CUL4A: variants seen among roughly 807,000 people sequenced by gnomAD.
CUL4A encodes the protein cullin-4A.
CUL4A carries 16 observed loss-of-function variants against 95.5 expected under a neutral mutation model. The observed-to-expected ratio is 0.17, with a 90% confidence interval of 0.11 to 0.25. CUL4A has a LOEUF of 0.25. Among genes scored for constraint, CUL4A ranks in the 10% least tolerant of loss-of-function variants. CUL4A has a pLI of 1.00. For synonymous variants in CUL4A, 380 were observed against 353.1 expected (o/e 1.08, Z -0.85); for missense variants, 610 against 937.0 (o/e 0.65, Z 4.56).
At chr13:113,251,913 G>A (rs896429277) in intron 15 of CUL4A, among the ~76,000 whole-genome samples, 2 of 152,220 alleles carry the variant, frequency 1.3e-5, no homozygotes, top group African/African-American at 4.8e-5. Flanking sequence ...GTGGACGAGA[G>A]CAGGGGGAGG....
Position 113,265,121 on chromosome 13 carries a change from C to T in CUL4A, c.*1539C>T, listed in dbSNP as rs570989051. 3 of 152,222 alleles carry T rather than the reference C, an allele frequency of 2.0e-5. No individual in the cohort carries two copies. The highest frequency in any genetic ancestry group is 4.4e-5 in the Non-Finnish European group (3 of 68,048). The allele number at this position is 152,222 out of a possible 1,614,324, so 9.4% of individuals were successfully genotyped here. A position where few individuals can be genotyped will look rare whatever the true frequency, so the allele number is the denominator to read the frequency against. Reference sequence around the variant, plus strand: ...TTTAGCAGCTTTGACTACTAGTGCACTAGACAGAAGTCAGAGCAGGGAGCA... The same window carrying T: ...TTTAGCAGCTTTGACTACTAGTGCATTAGACAGAAGTCAGAGCAGGGAGCA... On this transcript the variant is annotated 3_prime_UTR_variant, in exon 20 of 20. Transcript: ENST00000375440.
chr13:113,253,583 AAAC>A (rs900058571), intron 16 of CUL4A, among the ~76,000 whole-genome samples: 1 of 152,252 alleles, frequency 6.6e-6, no homozygotes, highest in African/African-American at 2.4e-5. Context: ...AAATTAAAAA[AAAC>A]AGACTCTTGC....
chr13:113,221,427 G>C (rs2040893521), intron 3 of CUL4A, among the ~76,000 whole-genome samples: 1 of 152,226 alleles, frequency 6.6e-6, no homozygotes, highest in South Asian at 2.1e-4. Flanking sequence ...CATGTGCTAG[G>C]TATGATGCCA....
chr13:113,236,564 A>G (rs1371634621), intron 8 of CUL4A, among the ~76,000 whole-genome samples: 1 of 152,200 alleles, frequency 6.6e-6, no homozygotes. Flanking sequence ...CCTTGGAATA[A>G]CGCAGAAGCA....
chr13:113,229,515 A>G lies in CUL4A; in HGVS notation c.508A>G (p.Ile170Val), dbSNP rs771862541. The part of the protein sequence containing the change: ...YVLQNSTLPS[I>V]WDMGLELFRT... The stretch of plus-strand genomic sequence containing the variant: ...GCTGCAGAACTCCACGCTGCCCTCC[A>G]TCTGGTGAGTGTCCTCACAGCGCAG... The change falls in exon 5 of 20, where the codon ATC becomes GTC. Residue 170 changes from isoleucine (I) to valine (V), a missense_variant. Physicochemically the swap from Ile to Val is conservative, Grantham distance 29. Transcript: ENST00000375440. 2 of 1,613,026 alleles carry G rather than the reference A, an allele frequency of 1.2e-6. No individual in the cohort carries two copies. The highest frequency in any genetic ancestry group is 1.7e-5 in the Admixed American group (1 of 60,006).
chr13:113,239,609 C>A (rs901741105), intron 10 of CUL4A, 58 bp downstream of exon 10: 2 of 1,308,222 alleles, frequency 1.5e-6, no homozygotes, highest in African/African-American at 1.5e-5. Flanking sequence ...AGCAGAGCCC[C>A]TCCTGAGAAC....
At chr13:113,257,177 G>A (rs1312678028) in intron 18 of CUL4A, among the ~76,000 whole-genome samples, 3 of 151,966 alleles carry the variant, frequency 2.0e-5, no homozygotes, top group Non-Finnish European at 2.9e-5. Flanking sequence ...CACCCATCTC[G>A]GCCTCCCAAA....
intron 16 of CUL4A, among the ~76,000 whole-genome samples, 174 bp from the exon 17 acceptor site, chr13:113,254,519 C>T (rs1163826768): frequency 1.3e-5 from 2 of 151,880 alleles, no homozygotes; most frequent in Admixed American, 6.6e-5. Flanking sequence ...GGCATGATTC[C>T]GGGAGGTGGG....
chr13:113,235,934 G>A (rs2041526854), intron 8 of CUL4A, among the ~76,000 whole-genome samples: 1 of 149,342 alleles, frequency 6.7e-6, no homozygotes, highest in South Asian at 2.1e-4. Context: ...TCACGCCACT[G>A]CACTCCAGCC....
At chr13:113,230,742 G>A (rs372346821) in intron 5 of CUL4A, among the ~76,000 whole-genome samples, 18 of 151,696 alleles carry the variant, frequency 1.2e-4, no homozygotes, top group African/African-American at 4.1e-4. Flanking sequence ...CTGGCCCATA[G>A]TCTAAATGCT....
intron 16 of CUL4A, 135 bp downstream of exon 16, chr13:113,253,330 G>T: frequency 4.7e-6 from 2 of 421,630 alleles, no homozygotes; most frequent in Non-Finnish European, 4.1e-6. Context: ...AATAAAATTT[G>T]TAACAGTTAA....
chr13:113,222,284 G>A (rs1329326411), intron 3 of CUL4A, among the ~76,000 whole-genome samples: 1 of 152,172 alleles, frequency 6.6e-6, no homozygotes, highest in Non-Finnish European at 1.5e-5. Flanking sequence ...TAAGAAGTTA[G>A]TGTGCCTGTG....
chr13:113,260,882 T>C, intron 19 of CUL4A, 123 bp downstream of exon 19: 2 of 746,682 alleles, frequency 2.7e-6, no homozygotes, highest in Non-Finnish European at 2.1e-6. Flanking sequence ...GTGTATACAC[T>C]GAATGTAGAA....
intron 19 of CUL4A, among the ~76,000 whole-genome samples, chr13:113,261,065 T>C (rs1177497160): frequency 1.3e-5 from 2 of 152,172 alleles, no homozygotes; most frequent in East Asian, 3.8e-4. Context: ...GTAGTAGCGG[T>C]CAAGGTTACA....
chr13:113,251,030 G>A (rs1409415385), intron 15 of CUL4A, among the ~76,000 whole-genome samples: 1 of 152,182 alleles, frequency 6.6e-6, no homozygotes, highest in African/African-American at 2.4e-5. Flanking sequence ...GAAACTAAAA[G>A]GGCACGTCAA....
In CUL4A at chr13:113,263,619, A is replaced by C. The variant is rs190203889; in HGVS notation, c.*37A>C. On this transcript the variant is annotated 3_prime_UTR_variant, in exon 20 of 20. Coordinates refer to ENST00000375440, the MANE Select transcript of CUL4A (RefSeq NM_001008895.4). ...ACGGTTCCCCTTCATGAAACACTAGAATGTACCCTCAGAGCAGGAAGCACA... is the reference window on the plus strand; with the variant it reads ...ACGGTTCCCCTTCATGAAACACTAGCATGTACCCTCAGAGCAGGAAGCACA... The C allele has an allele frequency of 9.1e-6, 12 of 1,313,152 alleles. No homozygotes were observed. In the East Asian group the frequency reaches 2.7e-4, roughly 30 times the overall value. The allele number at this position is 1,313,152 out of a possible 1,614,324, so 81.3% of individuals were successfully genotyped here. A position where few individuals can be genotyped will look rare whatever the true frequency, so the allele number is the denominator to read the frequency against.
At chr13:113,257,306 G>A (rs2139294681) in intron 18 of CUL4A, among the ~76,000 whole-genome samples, 1 of 152,146 alleles carries the variant, frequency 6.6e-6, no homozygotes, top group Non-Finnish European at 1.5e-5. Flanking sequence ...CTCAAATATA[G>A]TCTCCTTTTC....
At chr13:113,245,856 G>A in intron 14 of CUL4A, 100 bp from the exon 15 acceptor site, 1 of 908,502 alleles carries the variant, frequency 1.1e-6, no homozygotes, top group South Asian at 1.7e-5. Context: ...TTCTAACACA[G>A]ATGAAACTTT....
intron 9 of CUL4A, among the ~76,000 whole-genome samples, chr13:113,239,121 A>G (rs1257041002): frequency 1.3e-5 from 2 of 152,170 alleles, no homozygotes; most frequent in Admixed American, 1.3e-4. Flanking sequence ...GAGAACATGA[A>G]CCTCCCAGGT....
Sources: gnomAD v4.1 joint callset for allele counts (sites outside exome capture counted in the v4.1 genomes callset) on GRCh38, gnomAD v4.1.1 for gene constraint, MANE v1.5 for transcripts, NCBI Gene and HGNC (gene_info 2026-07-23, HGNC 2026-07-21) for gene names.